SLC35F1: variants seen among roughly 807,000 people sequenced by gnomAD.
SLC35F1 encodes chromosome 6 open reading frame 169.
Under a neutral mutation model 48.7 loss-of-function variants are expected in SLC35F1, and 14 were observed. The ratio of observed to expected loss-of-function variants is 0.29; its 90% CI spans 0.19 to 0.45. The LOEUF (loss-of-function observed/expected upper bound fraction) is 0.45, where lower values mean the gene tolerates loss of function less well. SLC35F1 is among the 20% of genes least tolerant of loss of function. The probability of loss-of-function intolerance (pLI) is 1.00; values close to 1 mark genes in which losing one functional copy is unlikely to be tolerated. For synonymous variants in SLC35F1, 190 were observed against 202.2 expected (o/e 0.94, Z 0.51); for missense variants, 404 against 500.0 (o/e 0.81, Z 1.83).
intron 2 of SLC35F1, among the ~76,000 whole-genome samples, chr6:118,226,947 C>T (rs747502962): frequency 6.6e-6 from 1 of 151,896 alleles, no homozygotes; most frequent in Non-Finnish European, 1.5e-5. Context: ...TCAAATGTAC[C>T]CCCAAAATAT....
intron 1 of SLC35F1, among the ~76,000 whole-genome samples, chr6:118,091,535 G>A (rs1582661177): frequency 6.6e-6 from 1 of 152,314 alleles, no homozygotes; most frequent in East Asian, 1.9e-4. Flanking sequence ...CCTCAGTTAT[G>A]TGGAAGTGTG....
At chr6:118,016,528 A>G (rs1168021003) in intron 1 of SLC35F1, among the ~76,000 whole-genome samples, 1 of 152,190 alleles carries the variant, frequency 6.6e-6, no homozygotes, top group Non-Finnish European at 1.5e-5. Context: ...AGCATGATTT[A>G]TGTCCCATTT....
intron 3 of SLC35F1, among the ~76,000 whole-genome samples, chr6:118,259,406 G>T (rs1026220474): frequency 6.6e-6 from 1 of 151,906 alleles, no homozygotes; most frequent in Admixed American, 6.6e-5. Context: ...ATAATATTCA[G>T]AGATATAGGC....
intron 1 of SLC35F1, among the ~76,000 whole-genome samples, chr6:117,966,778 A>G (rs1159384948): frequency 6.6e-6 from 1 of 152,114 alleles, no homozygotes; most frequent in African/African-American, 2.4e-5. Flanking sequence ...GCCATTAGCC[A>G]TATTGGATTA....
At chr6:118,229,731 T>C (rs1203442973) in intron 2 of SLC35F1, among the ~76,000 whole-genome samples, 1 of 152,198 alleles carries the variant, frequency 6.6e-6, no homozygotes, top group East Asian at 1.9e-4. Context: ...TATAGGGTTT[T>C]AATGAGGATA....
At chr6:118,183,216 T>G (rs187309137) in intron 2 of SLC35F1, among the ~76,000 whole-genome samples, 1 of 152,168 alleles carries the variant, frequency 6.6e-6, no homozygotes, top group African/African-American at 2.4e-5. Context: ...AGCAAATGAT[T>G]GGTTGGCATG....
chr6:118,209,962 T>A (rs1442028662), intron 2 of SLC35F1, among the ~76,000 whole-genome samples: 2 of 152,248 alleles, frequency 1.3e-5, no homozygotes, highest in Non-Finnish European at 2.9e-5. Context: ...CGTTTGCTAT[T>A]CTAAGCCAAG....
intron 3 of SLC35F1, among the ~76,000 whole-genome samples, chr6:118,263,034 CTCTA>C (rs1775731549): frequency 6.6e-6 from 1 of 152,032 alleles, no homozygotes; most frequent in South Asian, 2.1e-4. Flanking sequence ...GCCTCCATGT[CTCTA>C]TCTTTTTGTT....
intron 1 of SLC35F1, among the ~76,000 whole-genome samples, chr6:118,016,886 T>C (rs1380025633): frequency 1.3e-5 from 2 of 152,168 alleles, no homozygotes; most frequent in Non-Finnish European, 2.9e-5. Flanking sequence ...CAATTTCCCT[T>C]CCAAATTTCT....
At chr6:118,292,293 TG>T (rs1306870829) in intron 7 of SLC35F1, among the ~76,000 whole-genome samples, 1 of 152,150 alleles carries the variant, frequency 6.6e-6, no homozygotes, top group East Asian at 1.9e-4. Context: ...CAGGTAGAAC[TG>T]GGACCAAAGG....
chr6:118,081,985 G>A (rs1037218954), intron 1 of SLC35F1, among the ~76,000 whole-genome samples: 1 of 152,170 alleles, frequency 6.6e-6, no homozygotes, highest in Non-Finnish European at 1.5e-5. Context: ...CCGTTAATCT[G>A]TATCAATAAC....
intron 1 of SLC35F1, among the ~76,000 whole-genome samples, chr6:118,041,531 G>GAT (rs1772220408): frequency 6.6e-6 from 1 of 152,044 alleles, no homozygotes. Flanking sequence ...GTGGGATGGG[G>GAT]GTGGGGAGAC....
At chr6:118,070,009 G>A (rs1274589523) in intron 1 of SLC35F1, among the ~76,000 whole-genome samples, 6 of 151,268 alleles carry the variant, frequency 4.0e-5, no homozygotes, top group East Asian at 3.9e-4. Context: ...GGTGGCGGGC[G>A]CCTGTAGTCC....
At chr6:118,135,481 G>T (rs1445346899) in intron 1 of SLC35F1, among the ~76,000 whole-genome samples, 1 of 152,196 alleles carries the variant, frequency 6.6e-6, no homozygotes, top group Admixed American at 6.5e-5. Context: ...AATCTCCCCT[G>T]TTGGAAGCAT....
chr6:118,011,353 G>A (rs538982321), intron 1 of SLC35F1, among the ~76,000 whole-genome samples: 2 of 152,216 alleles, frequency 1.3e-5, no homozygotes, highest in East Asian at 1.9e-4. Context: ...AAGGTGAAGG[G>A]GAAGCAGGTA....
At chr6:118,049,322 A>C (rs1772349737) in intron 1 of SLC35F1, among the ~76,000 whole-genome samples, 1 of 152,192 alleles carries the variant, frequency 6.6e-6, no homozygotes, top group South Asian at 2.1e-4. Flanking sequence ...TTCATGGCTA[A>C]AACACCAAAA....
chr6:118,288,574 T>C (rs1776079739), intron 7 of SLC35F1, among the ~76,000 whole-genome samples: 2 of 152,196 alleles, frequency 1.3e-5, no homozygotes, highest in Non-Finnish European at 2.9e-5. Context: ...ATCATGCAGA[T>C]GAAGCCTCCA....
At chr6:117,936,357 T>C (rs995082496) in intron 1 of SLC35F1, among the ~76,000 whole-genome samples, 4 of 152,178 alleles carry the variant, frequency 2.6e-5, no homozygotes, top group African/African-American at 9.7e-5. Flanking sequence ...GGTAGGATTA[T>C]AGAAGGTGTG....
At chr6:118,106,586 G>A (rs1773330684) in intron 1 of SLC35F1, among the ~76,000 whole-genome samples, 1 of 152,098 alleles carries the variant, frequency 6.6e-6, no homozygotes, top group African/African-American at 2.4e-5. Context: ...AAGTCTTACT[G>A]GTTTAATTTT....
Sources: gnomAD v4.1 joint callset for allele counts (sites outside exome capture counted in the v4.1 genomes callset) on GRCh38, gnomAD v4.1.1 for gene constraint, MANE v1.5 for transcripts, NCBI Gene and HGNC (gene_info 2026-07-23, HGNC 2026-07-21) for gene names.